The following HEATR1 variants were observed in gnomAD, a reference collection of about 807,000 sequenced individuals.
HEATR1 encodes the protein HEAT repeat-containing protein 1.
Under a neutral mutation model 248.2 loss-of-function variants are expected in HEATR1, and 77 were observed. That is an observed-to-expected ratio of 0.31 (90% confidence interval 0.26 to 0.37). The LOEUF is 0.37. Among genes scored for constraint, HEATR1 ranks in the 10% least tolerant of loss-of-function variants. The pLI is 1.00. For synonymous variants in HEATR1, 897 were observed against 923.1 expected (o/e 0.97, Z 0.51); for missense variants, 2,420 against 2,504.9 (o/e 0.97, Z 0.72).
chr1:236,552,423 A>C, intron 43 of HEATR1: 1 of 171,146 alleles, frequency 5.8e-6, no homozygotes, highest in Non-Finnish European at 1.2e-5. Context: ...TGCAAACTCA[A>C]GTGTGTCACC....
rs573451380 is a variant in HEATR1 at position 236,569,108 on chromosome 1, T to C, written c.3965A>G (p.Asn1322Ser). Reference sequence around the variant, plus strand: ...CATAAATGTAAAAATAGACATGATATTGTGTAAAACTTTATCCTGAAAGAA... The same window carrying C: ...CATAAATGTAAAAATAGACATGATACTGTGTAAAACTTTATCCTGAAAGAA... ...AGIFPDKVLH[N>S]IMSIFTFMGA... The change falls in exon 29 of 45, where the codon AAT becomes AGT. Residue 1322 changes from asparagine to serine, a missense_variant. By Grantham distance (46) the Asn-to-Ser change is conservative. Coordinates refer to ENST00000366582, the MANE Select transcript of HEATR1 (RefSeq NM_018072.6). 5 of 1,590,638 alleles carry C rather than the reference T, an allele frequency of 3.1e-6. No homozygotes were observed. Among genetic ancestry groups the C allele is most frequent in the Non-Finnish European group, 3.4e-6 (4 of 1,170,900 alleles).
Position 236,586,445 on chromosome 1 carries a change from C to T in HEATR1, c.1723G>A (p.Val575Ile). ...AATATGTCAGCGGCTATCTTAAGTA[C>T]CTCGTACCTAAAAGACATGCAAGCA... is the stretch of plus-strand genomic sequence containing the variant. ...ELSKNGEWYE[V>I]LKIAADILIK... The change falls in exon 15 of 45, where the codon GTA (valine) becomes ATA (isoleucine). Residue 575 changes from valine (V) to isoleucine (I), a missense_variant. By Grantham distance (29) the Val-to-Ile change is conservative (BLOSUM62 3). Coordinates refer to ENST00000366582, the MANE Select transcript of HEATR1 (RefSeq NM_018072.6). The T allele has an allele frequency of 1.2e-6, 2 of 1,609,122 alleles. No homozygotes were observed. Among genetic ancestry groups the T allele is most frequent in the Non-Finnish European group, 1.7e-6 (2 of 1,176,062 alleles).
At position 236,592,706 on chromosome 1, in the gene HEATR1, T is replaced by C. The variant is rs1664072864; in HGVS notation, c.1194-73A>G. 1.5e-5 allele frequency: 9 copies of C among 612,664 alleles called. No homozygotes were observed. In the East Asian group the frequency reaches 2.6e-4, roughly 18 times the overall value. The allele number at this position is 612,664 out of a possible 1,614,324, so 38.0% of individuals were successfully genotyped here. ...TATTGAGTACCTACTATATTCTAAG[T>C]GCTTTAGAAATATTATCTCTAATTG... is the stretch of plus-strand genomic sequence containing the variant. On this transcript the variant is annotated intron_variant, in intron 9 of 44. Coordinates refer to ENST00000366582, the MANE Select transcript of HEATR1 (RefSeq NM_018072.6).
intron 20 of HEATR1, among the ~76,000 whole-genome samples, chr1:236,579,940 A>G (rs1242870631): frequency 6.6e-6 from 1 of 151,282 alleles, no homozygotes; most frequent in African/African-American, 2.4e-5. Context: ...AAAAAAAACA[A>G]CAAGAAACAA....
chr1:236,569,181 T>G (rs1328853812), intron 28 of HEATR1, 57 bp from the exon 29 acceptor site: 5 of 1,447,214 alleles, frequency 3.5e-6, no homozygotes, highest in Non-Finnish European at 4.7e-6. Flanking sequence ...TACTAATTTT[T>G]TTTTCAAGAG....
chr1:236,595,049 C>G (rs1229203626), intron 8 of HEATR1, among the ~76,000 whole-genome samples: 1 of 142,552 alleles, frequency 7.0e-6, no homozygotes, highest in Non-Finnish European at 1.5e-5. Context: ...TAGGTTTGAG[C>G]CACCTGGCCC....
At position 236,604,454 on chromosome 1, in the gene HEATR1, GCAA is replaced by G; in HGVS notation, c.-68_-66del. ...TGGGAATTTGGGTATATCTTGGAAG[GCAA>G]CAACTCTTCACAGCGCTTCCCACAT... On this transcript the variant is annotated 5_prime_UTR_variant, in exon 1 of 45. Transcript: ENST00000366582. The G allele has an allele frequency of 5.3e-6, 1 of 186,996 alleles. No homozygotes were observed. The highest frequency in any genetic ancestry group is 1.1e-5 in the Non-Finnish European group (1 of 91,762). 11.6% of individuals were successfully genotyped at this position (186,996 alleles called of 1,614,324 possible).
In HEATR1 at chr1:236,552,080, A is replaced by C. The variant is rs150966685; in HGVS notation, c.6265T>G (p.Leu2089Val). 1.9e-6 allele frequency: 3 copies of C among 1,613,114 alleles called. No individual in the cohort carries two copies. The African/African-American group carries it at 4.0e-5, about 22-fold the overall frequency. ...KVRFAALITV[L>V]ALAEKLKENY... ...TCCTTTAGTTTTTCAGCCAGTGCTA[A>C]CACAGTAATCAAAGCAGCAAATCGA... The change falls in exon 44 of 45, where the codon TTA (leucine) becomes GTA (valine). Residue 2089 changes from leucine (L) to valine (V), a missense_variant. Physicochemically the swap from Leu to Val is conservative, Grantham distance 32. Transcript: ENST00000366582.
chr1:236,572,813 C>A lies in HEATR1; in HGVS notation c.3475G>T (p.Glu1159Ter). 1 of 1,613,750 alleles carries A rather than the reference C, an allele frequency of 6.2e-7. No homozygotes were observed. Among genetic ancestry groups the A allele is most frequent in the South Asian group, 1.1e-5 (1 of 91,062 alleles). ...GGCTCCAGTTCTATTCGGACTTGTT[C>A]AGCATTAACGGAAATCTGAAATATT... is the stretch of plus-strand genomic sequence containing the variant. Reference protein sequence around the residue: ...SVFKGISVNAEQVRIELEPPD... With the variant: ...SVFKGISVNA The change falls in exon 25 of 45, where the codon GAA (glutamate) becomes TAA (stop). Residue 1159 changes from glutamate to a stop codon, truncating the protein, a stop_gained. Coordinates refer to ENST00000366582, the MANE Select transcript of HEATR1 (RefSeq NM_018072.6). LOFTEE classifies it high-confidence loss of function.
intron 37 of HEATR1, among the ~76,000 whole-genome samples, chr1:236,556,654 T>C (rs1454718574): frequency 6.6e-6 from 1 of 152,222 alleles, no homozygotes; most frequent in Non-Finnish European, 1.5e-5. Flanking sequence ...AGCGGTTTAA[T>C]CATTTGCCCC....
intron 20 of HEATR1, among the ~76,000 whole-genome samples, chr1:236,579,701 C>T (rs1352646743): frequency 1.3e-5 from 2 of 151,904 alleles, no homozygotes; most frequent in Non-Finnish European, 2.9e-5. Context: ...AAAATAAAGA[C>T]CGAAATTTTG....
chr1:236,562,893 TTTTTTTCTACTC>T (rs1372895302), intron 32 of HEATR1, among the ~76,000 whole-genome samples: 17 of 151,002 alleles, frequency 1.1e-4, no homozygotes, highest in African/African-American at 3.9e-4. Flanking sequence ...ACAGGAAATC[TTTTTTTCTACTC>T]TGTTTTCTAA....
chr1:236,552,147 TACTGTATTTATTATCTTAAG>T, intron 43 of HEATR1, 40 bp from the exon 44 acceptor site: 1 of 1,321,980 alleles, frequency 7.6e-7, no homozygotes, highest in Non-Finnish European at 1.1e-6. Context: ...AAAGTAGTGT[TACTGTATTTATTATCTTAAG>T]AGCTGTACTG....
intron 24 of HEATR1, 56 bp from the exon 25 acceptor site, chr1:236,572,884 GC>G: frequency 6.9e-7 from 1 of 1,452,994 alleles, no homozygotes; most frequent in South Asian, 1.1e-5. Flanking sequence ...TAAAATTAGA[GC>G]AATAAATGTT....
rs1000648669 is a variant in HEATR1 at position 236,583,157 on chromosome 1, T to C, written c.2281A>G (p.Arg761Gly). The C allele has an allele frequency of 6.2e-7, 1 of 1,612,806 alleles. No homozygotes were observed. Among genetic ancestry groups the C allele is most frequent in the Non-Finnish European group, 8.5e-7 (1 of 1,179,648 alleles). The stretch of plus-strand genomic sequence containing the variant: ...GCCCACAGCTCCACTGGGATCCCTC[T>C]GTCTAACATCAGTTCAATGTGCCAT... Reference protein sequence around the residue: ...SEWHIELMLDRGIPVELWAHY... With the variant: ...SEWHIELMLDGGIPVELWAHY... The change falls in exon 18 of 45, where the codon AGA (arginine) becomes GGA (glycine). Residue 761 changes from arginine to glycine, a missense_variant. By Grantham distance (125) the Arg-to-Gly change is moderately radical. Coordinates refer to ENST00000366582, the MANE Select transcript of HEATR1 (RefSeq NM_018072.6).
chr1:236,558,600 C>T (rs1663040137), intron 35 of HEATR1, 71 bp from the exon 36 acceptor site: 1 of 1,453,496 alleles, frequency 6.9e-7, no homozygotes, highest in South Asian at 1.3e-5. Flanking sequence ...CCCATTGTCA[C>T]AGCTTGAGAT....
intron 28 of HEATR1, among the ~76,000 whole-genome samples, 198 bp from the exon 29 acceptor site, chr1:236,569,322 C>A (rs760649352): frequency 2.6e-5 from 4 of 152,120 alleles, no homozygotes; most frequent in African/African-American, 4.8e-5. Context: ...ACTACAGGTG[C>A]ATGCTACCCT....
chr1:236,568,089 C>T (rs1663321998), intron 29 of HEATR1, among the ~76,000 whole-genome samples: 1 of 152,232 alleles, frequency 6.6e-6, no homozygotes, highest in Admixed American at 6.5e-5. Flanking sequence ...TGTGCACATT[C>T]CTAGATCATG....
chr1:236,593,952 T>G, intron 9 of HEATR1, 60 bp downstream of exon 9: 1 of 1,153,368 alleles, frequency 8.7e-7, no homozygotes, highest in Non-Finnish European at 1.3e-6. Flanking sequence ...TAACCAATCT[T>G]GAAAATTATA....
Sources: gnomAD v4.1 joint callset for allele counts (sites outside exome capture counted in the v4.1 genomes callset) on GRCh38, gnomAD v4.1.1 for gene constraint, MANE v1.5 for transcripts, NCBI Gene and HGNC (gene_info 2026-07-23, HGNC 2026-07-21) for gene names.